Variants in UBR2 observed in about 807,000 individuals in gnomAD.
UBR2 encodes E3 ubiquitin-protein ligase UBR2.
A neutral mutation model predicts 247.9 loss-of-function variants in UBR2; 92 were observed. The observed-to-expected ratio is 0.37, with a 90% CI of 0.31 to 0.44. The LOEUF is 0.44. Among genes scored for constraint, UBR2 ranks in the 20% least tolerant of loss-of-function variants. The pLI, the probability that UBR2 is intolerant of heterozygous loss-of-function variation, is 1.00. For missense variants in UBR2, 1,613 were observed against 2,112.6 expected, an observed-to-expected ratio of 0.76 and a Z score of 4.64; for synonymous variants, 672 against 693.5, an observed-to-expected ratio of 0.97 and a Z score of 0.49.
chr6:42,644,102 G>A, intron 18 of UBR2, 112 bp from the exon 19 acceptor site: 4 of 1,081,942 alleles, frequency 3.7e-6, no homozygotes, highest in Non-Finnish European at 3.9e-6. Context: ...TTTTAGGATT[G>A]GTAAACTGCT....
Position 42,691,763 on chromosome 6 carries a change from T to G in UBR2, c.*590T>G, listed in dbSNP as rs368006918. ...GGTGGATTCCTGGTGTGCTGGCTGG[T>G]TTTTCAGGGCTGTTAGAGGTTTTTT... On this transcript the variant is annotated 3_prime_UTR_variant, in exon 47 of 47. Coordinates refer to ENST00000372901, the MANE Select transcript of UBR2 (RefSeq NM_001363705.2). The G allele has an allele frequency of 2.0e-5, 3 of 151,018 alleles. No homozygotes were observed. The highest frequency in any genetic ancestry group is 7.3e-5 in the African/African-American group (3 of 41,016). The allele number at this position is 151,018 out of a possible 1,614,324, so 9.4% of individuals were successfully genotyped here. A position where few individuals can be genotyped will look rare whatever the true frequency, so the allele number is the denominator to read the frequency against.
At position 42,604,314 on chromosome 6, in the gene UBR2, TA is replaced by T. The variant is rs76529839; in HGVS notation, c.662+597del. Among the ~76,000 whole-genome samples, 30 of 152,300 alleles carry T rather than the reference TA, an allele frequency of 2.0e-4. No homozygotes were observed. The East Asian group carries it at 5.8e-3, about 29-fold the overall frequency. ...GCTTGTCTCAAACAACCTTCTTTCTTACTTAGAAGTAAGACCAAGCTTGTTG... is the reference window on the plus strand; with the variant it reads ...GCTTGTCTCAAACAACCTTCTTTCTTCTTAGAAGTAAGACCAAGCTTGTTG... On this transcript the variant is annotated intron_variant, in intron 5 of 46. Transcript: ENST00000372901.
intron 44 of UBR2, among the ~76,000 whole-genome samples, chr6:42,686,908 C>T (rs1487398905): frequency 6.6e-6 from 1 of 151,636 alleles, no homozygotes; most frequent in Non-Finnish European, 1.5e-5. Context: ...GGCAGAGGCG[C>T]TCCTCACATC....
intron 18 of UBR2, 51 bp downstream of exon 18, chr6:42,642,532 T>C: frequency 1.4e-6 from 2 of 1,460,526 alleles, no homozygotes; most frequent in Non-Finnish European, 1.9e-6. Context: ...TCTTTGCTTC[T>C]TGTTATTTCC....
chr6:42,652,165 A>T (rs1392220083), intron 24 of UBR2, 94 bp downstream of exon 24: 4 of 1,200,302 alleles, frequency 3.3e-6, no homozygotes, highest in Non-Finnish European at 4.7e-6. Flanking sequence ...TGGTGGAATG[A>T]ATATTTAAAT....
intron 14 of UBR2, among the ~76,000 whole-genome samples, chr6:42,636,683 G>A (rs1247729030): frequency 1.3e-5 from 2 of 152,170 alleles, no homozygotes; most frequent in African/African-American, 4.8e-5. Context: ...GCTTGGCAAT[G>A]CCTTGGAGTT....
chr6:42,632,621 C>T lies in UBR2; in HGVS notation c.1351C>T (p.His451Tyr). 1 of 1,613,540 alleles carries T rather than the reference C, an allele frequency of 6.2e-7. No individual in the cohort carries two copies. The highest frequency in any genetic ancestry group is 8.5e-7 in the Non-Finnish European group (1 of 1,179,818). Residue 451 changes from histidine to tyrosine, a missense_variant, in exon 12 of 47, where the codon CAT becomes TAT. His to Tyr is a moderately conservative substitution (Grantham distance 83). Coordinates refer to ENST00000372901, the MANE Select transcript of UBR2 (RefSeq NM_001363705.2). ...TAAGACTTTTATGGATCATTTGAGACATCGAGATGCCCAGGGCAGATTTCA... is the reference window on the plus strand; with the variant it reads ...TAAGACTTTTATGGATCATTTGAGATATCGAGATGCCCAGGGCAGATTTCA... ...IIKTFMDHLR[H>Y]RDAQGRFQFE...
intron 11 of UBR2, among the ~76,000 whole-genome samples, chr6:42,621,327 TTA>T (rs1445836610): frequency 6.6e-6 from 1 of 152,196 alleles, no homozygotes; most frequent in Non-Finnish European, 1.5e-5. Flanking sequence ...ATCAAGACCT[TTA>T]TATGTGTGTG....
In UBR2 at chr6:42,676,185, T is replaced by C. The variant is rs772522268; in HGVS notation, c.4381T>C (p.Cys1461Arg). Reference protein sequence around the residue: ...AHIIQILLTSCTEENGMDQEN... With the variant: ...AHIIQILLTSRTEENGMDQEN... ...CATCATACAGATCTTACTTACCTCATGTACAGGTAACTCTTGCCTTTTTGT... is the reference window on the plus strand; with the variant it reads ...CATCATACAGATCTTACTTACCTCACGTACAGGTAACTCTTGCCTTTTTGT... The change falls in exon 39 of 47, where the codon TGT becomes CGT. Residue 1461 changes from cysteine to arginine, a missense_variant. Transcript: ENST00000372901. 1 of 1,590,910 alleles carries C rather than the reference T, an allele frequency of 6.3e-7. No individual in the cohort carries two copies. Among genetic ancestry groups the C allele is most frequent in the South Asian group, 1.2e-5 (1 of 86,022 alleles).
At chr6:42,681,162 C>CAAAA (rs59312824) in intron 42 of UBR2, among the ~76,000 whole-genome samples, 8 of 50,490 alleles carry the variant, frequency 1.6e-4, no homozygotes, top group Non-Finnish European at 2.7e-4. Context: ...GACTCCGTCT[C>CAAAA]AAAAAAAAAA....
intron 7 of UBR2, among the ~76,000 whole-genome samples, chr6:42,610,908 C>T (rs1384317073): frequency 2.7e-5 from 4 of 150,240 alleles, no homozygotes; most frequent in Non-Finnish European, 3.0e-5. Context: ...TGCAATGGCG[C>T]GATCTCAGCT....
At position 42,668,436 on chromosome 6, in the gene UBR2, C is replaced by G. The variant is rs1190607816; in HGVS notation, c.3882-1656C>G. Among the ~76,000 whole-genome samples, 5 of 151,790 alleles carry G rather than the reference C, an allele frequency of 3.3e-5. 1 individual carries two copies. In the East Asian group the frequency reaches 7.7e-4, roughly 23 times the overall value. On this transcript the variant is annotated intron_variant, in intron 34 of 46. Transcript: ENST00000372901. ...ATTATTCCCATTCTAATTCTTGTTC[C>G]TTTGTAAATTTTTGTTTTTTTGAGA...
rs745763122 is a variant in UBR2 at position 42,665,452 on chromosome 6, A to C, written c.3742A>C (p.Arg1248=). The C allele has an allele frequency of 1.2e-6, 2 of 1,613,368 alleles. No homozygotes were observed. Among genetic ancestry groups the C allele is most frequent in the Admixed American group, 3.3e-5 (2 of 59,960 alleles). The change falls in exon 33 of 47, where the codon AGA becomes CGA. Residue 1248 remains arginine, a synonymous_variant. Transcript: ENST00000372901. ...CCAACCAAATCTGACTCAGTGGATT[A>C]GAACAATATCTCAGCAAATAAAAGC... ...SDQPNLTQWI[R]TISQQIKALQ... is the part of the protein sequence containing the mutation.
chr6:42,685,347 A>G (rs534904389), intron 44 of UBR2, among the ~76,000 whole-genome samples: 6 of 152,332 alleles, frequency 3.9e-5, no homozygotes, highest in East Asian at 1.9e-4. Flanking sequence ...TCTATACTAC[A>G]TAACTTATAA....
chr6:42,643,908 A>G (rs556715123), intron 18 of UBR2, among the ~76,000 whole-genome samples: 1 of 152,310 alleles, frequency 6.6e-6, no homozygotes, highest in Non-Finnish European at 1.5e-5. Context: ...ATAGGAATAC[A>G]ATTATTTTAA....
chr6:42,638,341 A>T lies in UBR2; in HGVS notation c.1858+1147A>T, dbSNP rs7773240. Among the ~76,000 whole-genome samples, 579 of 152,022 alleles carry T rather than the reference A, an allele frequency of 3.8e-3. 4 individuals carry two copies. Among genetic ancestry groups the T allele is most frequent in the Middle Eastern group, 0.014 (4 of 294 alleles). On this transcript the variant is annotated intron_variant, in intron 15 of 46. Coordinates refer to ENST00000372901, the MANE Select transcript of UBR2 (RefSeq NM_001363705.2). ...AATGTACATGGGGTCAGTAGTAATG[A>T]TTCCTCTTTCATTCTGAAGGCATTT...
intron 2 of UBR2, among the ~76,000 whole-genome samples, chr6:42,579,135 G>A (rs988418886): frequency 1.3e-5 from 2 of 152,206 alleles, no homozygotes; most frequent in African/African-American, 4.8e-5. Context: ...AGTTCTGCAA[G>A]ACTGTACAAG....
chr6:42,670,283 A>G, intron 35 of UBR2, 43 bp downstream of exon 35: 1 of 1,595,914 alleles, frequency 6.3e-7, no homozygotes. Flanking sequence ...ACAAGCATTC[A>G]TTGATATGAA....
At chr6:42,610,221 TTG>T (rs1793981882) in intron 7 of UBR2, among the ~76,000 whole-genome samples, 1 of 152,118 alleles carries the variant, frequency 6.6e-6, no homozygotes, top group Non-Finnish European at 1.5e-5. Flanking sequence ...ATTAAAACCT[TTG>T]TGCACTACTG....
Sources: gnomAD v4.1 joint callset for allele counts (sites outside exome capture counted in the v4.1 genomes callset) on GRCh38, gnomAD v4.1.1 for gene constraint, MANE v1.5 for transcripts, NCBI Gene and HGNC (gene_info 2026-07-23, HGNC 2026-07-21) for gene names.